GPR149: variants seen among roughly 807,000 people sequenced by gnomAD.
GPR149 encodes the protein probable G protein-coupled receptor 149.
GPR149 carries 50 observed loss-of-function variants against 50.2 expected under a neutral mutation model. The observed-to-expected ratio is 1.00, with a 90% CI of 0.79 to 1.26. The LOEUF is 1.26. Among genes scored for constraint, GPR149 ranks in the 50% most tolerant of loss-of-function variants. The pLI, the probability that GPR149 is intolerant of heterozygous loss-of-function variation, is 0.00. For missense variants in GPR149, 983 were observed against 895.4 expected (o/e 1.10, Z -1.25); for synonymous variants, 405 against 358.2 (o/e 1.13, Z -1.48).
intron 3 of GPR149, among the ~76,000 whole-genome samples, chr3:154,372,075 G>T (rs1714678785): frequency 6.6e-6 from 1 of 152,094 alleles, no homozygotes; most frequent in Non-Finnish European, 1.5e-5. Context: ...CTCATCAGCA[G>T]AAAGTAGCCA....
intron 3 of GPR149, among the ~76,000 whole-genome samples, chr3:154,380,503 AC>A (rs1240672165): frequency 2.6e-5 from 4 of 150,960 alleles, no homozygotes; most frequent in Admixed American, 6.6e-5. Flanking sequence ...CTGCCTCTAC[AC>A]TATTCCTACA....
intron 3 of GPR149, chr3:154,352,806 A>G: frequency 1.2e-6 from 1 of 853,576 alleles, no homozygotes; most frequent in Admixed American, 1.7e-5. Context: ...CTACACATTT[A>G]AAAGTAATTC....
chr3:154,360,686 C>T (rs1039390106), intron 3 of GPR149, among the ~76,000 whole-genome samples: 8 of 152,218 alleles, frequency 5.3e-5, no homozygotes, highest in Middle Eastern at 3.4e-3. Context: ...CTCCAGGGAT[C>T]GGAGATACAA....
chr3:154,376,125 T>G (rs929302839), intron 3 of GPR149, among the ~76,000 whole-genome samples: 2 of 152,254 alleles, frequency 1.3e-5, no homozygotes, highest in Admixed American at 6.5e-5. Flanking sequence ...ACTCAGTCTA[T>G]CTAGCTAGCT....
At chr3:154,409,529 TA>T (rs1020692480) in intron 3 of GPR149, among the ~76,000 whole-genome samples, 1 of 151,440 alleles carries the variant, frequency 6.6e-6, no homozygotes, top group Admixed American at 6.6e-5. Flanking sequence ...AAAGCATAAA[TA>T]AAAAACAATC....
chr3:154,378,622 C>A (rs1423910668), intron 3 of GPR149, among the ~76,000 whole-genome samples: 6 of 152,140 alleles, frequency 3.9e-5, no homozygotes, highest in Non-Finnish European at 7.3e-5. Context: ...TTAATTTGTA[C>A]AACTTTGTTT....
chr3:154,372,792 G>A (rs1714694957), intron 3 of GPR149, among the ~76,000 whole-genome samples: 1 of 152,208 alleles, frequency 6.6e-6, no homozygotes, highest in African/African-American at 2.4e-5. Context: ...AGTTGCGGCA[G>A]AGAAAGAGGA....
At chr3:154,372,172 G>A (rs925203132) in intron 3 of GPR149, among the ~76,000 whole-genome samples, 8 of 152,176 alleles carry the variant, frequency 5.3e-5, no homozygotes, top group African/African-American at 1.9e-4. Flanking sequence ...GGCTTCCTGG[G>A]TCAAGTAGGG....
intron 3 of GPR149, among the ~76,000 whole-genome samples, chr3:154,392,996 C>G (rs1288808779): frequency 6.6e-6 from 1 of 152,074 alleles, no homozygotes. Flanking sequence ...TGAATTTGAA[C>G]AAACATCCAA....
rs540742658 is a variant in GPR149 at position 154,366,458 on chromosome 3, T to C, written c.1624-28187A>G. Among the ~76,000 whole-genome samples, 6 of 152,384 alleles carry C rather than the reference T, an allele frequency of 3.9e-5. No individual in the cohort carries two copies. The South Asian group carries it at 1.2e-3, about 32-fold the overall frequency. Reference sequence around the variant, plus strand: ...TGCATCTGTAGACAATCTCCATTAATGCAGCCAGGACTTTCCCTGATTTAG... The same window carrying C: ...TGCATCTGTAGACAATCTCCATTAACGCAGCCAGGACTTTCCCTGATTTAG... On this transcript the variant is annotated intron_variant, in intron 3 of 3. Coordinates refer to ENST00000389740, the MANE Select transcript of GPR149 (RefSeq NM_001038705.3).
intron 2 of GPR149, among the ~76,000 whole-genome samples, chr3:154,425,716 GA>G (rs924586338): frequency 1.3e-5 from 2 of 151,874 alleles, no homozygotes; most frequent in South Asian, 2.1e-4. Flanking sequence ...GGTAATTTTA[GA>G]AAAAAATATT....
chr3:154,356,577 C>T (rs1380036820), intron 3 of GPR149, among the ~76,000 whole-genome samples: 1 of 152,132 alleles, frequency 6.6e-6, no homozygotes, highest in Non-Finnish European at 1.5e-5. Context: ...AACTCCCATT[C>T]ACAATTGCTT....
intron 2 of GPR149, among the ~76,000 whole-genome samples, chr3:154,425,921 A>G (rs1712280221): frequency 6.6e-6 from 1 of 152,068 alleles, no homozygotes; most frequent in East Asian, 1.9e-4. Context: ...ACTTCTTAAA[A>G]ATGACTGCCT....
intron 3 of GPR149, among the ~76,000 whole-genome samples, chr3:154,419,843 C>T (rs1332428419): frequency 1.3e-5 from 2 of 152,022 alleles, no homozygotes; most frequent in African/African-American, 4.8e-5. Flanking sequence ...CACATTTTTC[C>T]TAAACATATG....
intron 3 of GPR149, among the ~76,000 whole-genome samples, chr3:154,377,348 AATT>A (rs59932456): frequency 0.15 from 20,252 of 139,102 alleles, 2,336 homozygotes; most frequent in East Asian, 0.59. Context: ...TCTGCTCTGT[AATT>A]ATTATTATTA....
chr3:154,404,701 C>T (rs1488811920), intron 3 of GPR149, among the ~76,000 whole-genome samples: 1 of 152,148 alleles, frequency 6.6e-6, no homozygotes, highest in African/African-American at 2.4e-5. Flanking sequence ...TCTGATAGAC[C>T]TTAGGCTTAA....
At chr3:154,348,678 C>T (rs1237496718) in intron 3 of GPR149, among the ~76,000 whole-genome samples, 6 of 152,064 alleles carry the variant, frequency 3.9e-5, no homozygotes, top group Non-Finnish European at 5.9e-5. Flanking sequence ...ACCCCTCTCT[C>T]GCAACAATCC....
At chr3:154,380,519 T>C (rs1714897029) in intron 3 of GPR149, among the ~76,000 whole-genome samples, 1 of 152,190 alleles carries the variant, frequency 6.6e-6, no homozygotes. Flanking sequence ...CCTACATTTA[T>C]ATGATTGCAC....
chr3:154,366,792 G>A lies in GPR149; in HGVS notation c.1624-28521C>T, dbSNP rs188584079. 4.1e-3 allele frequency among the ~76,000 whole-genome samples: 630 copies of A among 152,264 alleles called. 4 individuals carry two copies. Among genetic ancestry groups the A allele is most frequent in the African/African-American group, 0.015 (604 of 41,532 alleles). ...GTATTGATTTATATCTTTGTCTGTG[G>A]CTTCTGTCTCTCTAAAATCTGTAAA... On this transcript the variant is annotated intron_variant, in intron 3 of 3. Transcript: ENST00000389740.
Sources: allele counts gnomAD v4.1 joint callset (sites outside exome capture counted in the v4.1 genomes callset), GRCh38; gene constraint gnomAD v4.1.1; transcripts MANE v1.5; gene names NCBI Gene and HGNC (gene_info 2026-07-23, HGNC 2026-07-21).